Variants in MOB1B observed in about 807,000 individuals in gnomAD.
The protein encoded by MOB1B is MOB kinase activator 1B.
A neutral mutation model predicts 24.4 loss-of-function variants in MOB1B; 19 were observed. That is an observed-to-expected ratio of 0.78 (90% CI 0.54 to 1.14). The LOEUF is 1.14. Ranked by LOEUF, MOB1B falls within the 50% of genes most tolerant of loss-of-function variation. The pLI, the probability that MOB1B is intolerant of heterozygous loss-of-function variation, is 0.00. For missense variants in MOB1B, 243 were observed against 259.6 expected (o/e 0.94, Z 0.44); for synonymous variants, 76 against 82.1 (o/e 0.93, Z 0.40).
At chr4:70,919,787 C>T (rs1213406626) in intron 1 of MOB1B, among the ~76,000 whole-genome samples, 1 of 152,210 alleles carries the variant, frequency 6.6e-6, no homozygotes, top group Non-Finnish European at 1.5e-5. Context: ...GCGTGAGCCA[C>T]CACACCCAGC....
At chr4:70,933,342 G>A (rs1736954747) in intron 1 of MOB1B, among the ~76,000 whole-genome samples, 1 of 152,008 alleles carries the variant, frequency 6.6e-6, no homozygotes, top group Admixed American at 6.6e-5. Flanking sequence ...CAATTATATA[G>A]TATATTTAGG....
At chr4:70,913,142 A>G (rs1303178636) in intron 1 of MOB1B, among the ~76,000 whole-genome samples, 1 of 152,152 alleles carries the variant, frequency 6.6e-6, no homozygotes, top group African/African-American at 2.4e-5. Context: ...GCCATTTTGT[A>G]GAACATTCCT....
chr4:70,961,112 T>C (rs1401075300), intron 2 of MOB1B, among the ~76,000 whole-genome samples: 2 of 152,238 alleles, frequency 1.3e-5, no homozygotes, highest in African/African-American at 4.8e-5. Context: ...TAAAGCTTAA[T>C]TTAAAATTTA....
Position 70,975,342 on chromosome 4 carries a change from A to G in MOB1B, c.409+56A>G, listed in dbSNP as rs751556343. 5.0e-6 allele frequency: 8 copies of G among 1,591,576 alleles called. No individual in the cohort carries two copies. In the South Asian group the frequency reaches 5.7e-5, roughly 11 times the overall value. On this transcript the variant is annotated intron_variant, in intron 4 of 5. Transcript: ENST00000309395. Reference sequence around the variant, plus strand: ...CATGATTTATCTTTTATATGTTTATAGAATTTTCCTCCCTCTTTCCACTAT... The same window carrying G: ...CATGATTTATCTTTTATATGTTTATGGAATTTTCCTCCCTCTTTCCACTAT...
intron 2 of MOB1B, among the ~76,000 whole-genome samples, chr4:70,963,173 C>A (rs1037787547): frequency 6.6e-6 from 1 of 152,080 alleles, no homozygotes; most frequent in African/African-American, 2.4e-5. Context: ...TAAGGGCTAT[C>A]TAGGCAACAT....
chr4:70,950,706 T>C, intron 1 of MOB1B: 1 of 1,518,464 alleles, frequency 6.6e-7, no homozygotes. Context: ...GTAGGAGTTC[T>C]CAGCCTGAAG....
At chr4:70,903,425 C>T (rs1196389216) in intron 1 of MOB1B, among the ~76,000 whole-genome samples, 1 of 152,062 alleles carries the variant, frequency 6.6e-6, no homozygotes, top group Admixed American at 6.6e-5. Flanking sequence ...GATGGGATGG[C>T]CAGATGTGGA....
Position 70,984,437 on chromosome 4 carries a change from G to A in MOB1B, c.*2380G>A, listed in dbSNP as rs114864413. On this transcript the variant is annotated 3_prime_UTR_variant, in exon 6 of 6. Coordinates refer to ENST00000309395, the MANE Select transcript of MOB1B (RefSeq NM_173468.4). ...TAGTAAGATGCCCTTTTAAATATAA[G>A]GATCAGTGCTTTGTTCTGCAGCAGA... 1.1e-4 allele frequency: 16 copies of A among 152,240 alleles called. No homozygotes were observed. Among genetic ancestry groups the A allele is most frequent in the African/African-American group, 3.6e-4 (15 of 41,558 alleles). 9.4% of individuals were successfully genotyped at this position (152,240 alleles called of 1,614,324 possible).
intron 2 of MOB1B, among the ~76,000 whole-genome samples, chr4:70,964,876 G>A (rs1198502259): frequency 6.6e-6 from 1 of 151,398 alleles, no homozygotes; most frequent in Non-Finnish European, 1.5e-5. Flanking sequence ...CTTGTAGTGA[G>A]CTGAGATTGC....
At chr4:70,927,596 C>G (rs764941473) in intron 1 of MOB1B, among the ~76,000 whole-genome samples, 9 of 152,152 alleles carry the variant, frequency 5.9e-5, no homozygotes, top group Non-Finnish European at 1.2e-4. Context: ...GTGCATTCAC[C>G]TATTCAAAAC....
chr4:70,916,225 C>T (rs1736187261), intron 1 of MOB1B, among the ~76,000 whole-genome samples: 3 of 152,180 alleles, frequency 2.0e-5, no homozygotes, highest in Non-Finnish European at 2.9e-5. Context: ...AATTTAGGGC[C>T]TTAGTATCAC....
intron 3 of MOB1B, among the ~76,000 whole-genome samples, chr4:70,972,301 C>T (rs1166759374): frequency 6.6e-6 from 1 of 152,036 alleles, no homozygotes; most frequent in Non-Finnish European, 1.5e-5. Context: ...GCAACCTCTG[C>T]ATCCTAGGTT....
chr4:70,981,954 T>C (rs1453574259), intron 5 of MOB1B, 26 bp from the exon 6 acceptor site: 2 of 1,443,422 alleles, frequency 1.4e-6, no homozygotes, highest in South Asian at 2.3e-5. Flanking sequence ...TGCTATTTAT[T>C]CTGCCTTTCT....
chr4:70,914,404 A>AT (rs1199670260), intron 1 of MOB1B, among the ~76,000 whole-genome samples: 1 of 152,136 alleles, frequency 6.6e-6, no homozygotes, highest in African/African-American at 2.4e-5. Flanking sequence ...GCACAACAAA[A>AT]TATTTTTTTA....
chr4:70,960,076 A>G (rs942405387), intron 2 of MOB1B, among the ~76,000 whole-genome samples: 5 of 151,736 alleles, frequency 3.3e-5, no homozygotes, highest in African/African-American at 1.2e-4. Context: ...TAGAGATGGG[A>G]TTTCACCATG....
Position 70,979,262 on chromosome 4 carries a change from T to A in MOB1B, c.544T>A (p.Ser182Thr), listed in dbSNP as rs745592131. The change falls in exon 5 of 6, where the codon TCT becomes ACT. Residue 182 changes from serine to threonine, a missense_variant. Physicochemically the swap from Ser to Thr is moderately conservative, Grantham distance 58. Coordinates refer to ENST00000309395, the MANE Select transcript of MOB1B (RefSeq NM_173468.4). ...TCAGGAGGAAGCACATCTAAATACATCTTTCAAGCACTTTATTTTTTTTGT... is the reference window on the plus strand; with the variant it reads ...TCAGGAGGAAGCACATCTAAATACAACTTTCAAGCACTTTATTTTTTTTGT... ...QLQEEAHLNTSFKHFIFFVQE... is the reference protein window; with the variant it reads ...QLQEEAHLNTTFKHFIFFVQE... 6 of 1,613,762 alleles carry A rather than the reference T, an allele frequency of 3.7e-6. No individual in the cohort carries two copies. The highest frequency in any genetic ancestry group is 2.5e-6 in the Non-Finnish European group (3 of 1,179,872).
intron 1 of MOB1B, among the ~76,000 whole-genome samples, chr4:70,957,749 C>A (rs1490888225): frequency 6.9e-6 from 1 of 145,442 alleles, no homozygotes; most frequent in Middle Eastern, 3.2e-3. Flanking sequence ...CAGCTCCCTG[C>A]CTTATTTTTT....
intron 1 of MOB1B, among the ~76,000 whole-genome samples, chr4:70,908,263 C>T (rs1231580276): frequency 3.3e-5 from 5 of 149,316 alleles, no homozygotes; most frequent in East Asian, 2.0e-4. Flanking sequence ...CTCCTGACCT[C>T]GTGATCCGCC....
intron 1 of MOB1B, among the ~76,000 whole-genome samples, chr4:70,908,618 CA>C (rs201034254): frequency 7.2e-6 from 1 of 139,172 alleles, no homozygotes; most frequent in Non-Finnish European, 1.6e-5. Flanking sequence ...ACTAAAAATA[CA>C]AAAAAATTAG....
Sources: gnomAD v4.1 joint callset for allele counts (sites outside exome capture counted in the v4.1 genomes callset) on GRCh38, gnomAD v4.1.1 for gene constraint, MANE v1.5 for transcripts, NCBI Gene and HGNC (gene_info 2026-07-23, HGNC 2026-07-21) for gene names.